ZNF541: variants seen among roughly 807,000 people sequenced by gnomAD.
The protein encoded by ZNF541 is zinc finger protein 541.
A neutral mutation model predicts 123.5 loss-of-function variants in ZNF541; 23 were observed. The ratio of observed to expected loss-of-function variants is 0.19; its 90% CI spans 0.13 to 0.26. The LOEUF (loss-of-function observed/expected upper bound fraction) is 0.26. ZNF541 is among the 10% of genes least tolerant of loss of function. ZNF541 has a pLI of 1.00. For synonymous variants in ZNF541, 751 were observed against 754.5 expected, an observed-to-expected ratio of 1.00 and a Z score of 0.08; for missense variants, 1,612 against 1,789.9, an observed-to-expected ratio of 0.90 and a Z score of 1.79.
intron 3 of ZNF541, among the ~76,000 whole-genome samples, chr19:47,550,973 T>C (rs749086800): frequency 2.6e-5 from 4 of 152,150 alleles, no homozygotes; most frequent in African/African-American, 7.2e-5. Context: ...AATAACTGTA[T>C]GTTAGATGAA....
chr19:47,549,791 TAGAA>T (rs1212059005), intron 3 of ZNF541, among the ~76,000 whole-genome samples: 1 of 152,060 alleles, frequency 6.6e-6, no homozygotes, highest in African/African-American at 2.4e-5. Context: ...GAACGGCAAT[TAGAA>T]ATATATTATC....
chr19:47,541,168 AG>A (rs1282962255), intron 5 of ZNF541, among the ~76,000 whole-genome samples: 2 of 152,214 alleles, frequency 1.3e-5, no homozygotes, highest in Non-Finnish European at 2.9e-5. Flanking sequence ...CTGTGATCCC[AG>A]GACTTTGGGA....
intron 5 of ZNF541, among the ~76,000 whole-genome samples, chr19:47,542,391 C>T (rs899120747): frequency 6.6e-6 from 1 of 152,216 alleles, no homozygotes; most frequent in African/African-American, 2.4e-5. Flanking sequence ...CACCATGACT[C>T]ATGCCTGTAA....
intron 14 of ZNF541, among the ~76,000 whole-genome samples, chr19:47,528,338 G>C (rs1424472465): frequency 2.1e-5 from 3 of 141,888 alleles, no homozygotes; most frequent in African/African-American, 5.2e-5. Flanking sequence ...AAAAAAAAGA[G>C]ACAGAGTCCT....
intron 3 of ZNF541, among the ~76,000 whole-genome samples, chr19:47,551,490 GC>G (rs1970598094): frequency 6.6e-6 from 1 of 151,906 alleles, no homozygotes; most frequent in Admixed American, 6.6e-5. Flanking sequence ...TTCTGACTCA[GC>G]CTCCCAAGCA....
intron 14 of ZNF541, among the ~76,000 whole-genome samples, chr19:47,522,839 C>T (rs1314336845): frequency 5.9e-5 from 9 of 151,606 alleles, no homozygotes; most frequent in Admixed American, 2.0e-4. Context: ...CTCCGCCTCC[C>T]GGGTCCAAGT....
chr19:47,554,144 C>T (rs555345159), intron 3 of ZNF541, among the ~76,000 whole-genome samples: 32 of 152,266 alleles, frequency 2.1e-4, no homozygotes, highest in African/African-American at 7.7e-4. Context: ...TAAAAATTTA[C>T]AAGTGAGGTC....
chr19:47,535,195 C>T (rs1001073719), intron 9 of ZNF541, among the ~76,000 whole-genome samples: 11 of 152,240 alleles, frequency 7.2e-5, no homozygotes, highest in South Asian at 2.1e-4. Context: ...CCTCGTGATC[C>T]GCCTGCCTCG....
chr19:47,538,433 C>T lies in ZNF541; in HGVS notation c.2803G>A (p.Glu935Lys), dbSNP rs1969927258. ...RHIGSMAMGQ[E>K]KDGEERDSKE... ...CTGTCTCGCTCCTCCCCGTCTTTCTCTTGTCCCTGAAGAAGTTTAGAACCA... is the reference window on the plus strand; with the variant it reads ...CTGTCTCGCTCCTCCCCGTCTTTCTTTTGTCCCTGAAGAAGTTTAGAACCA... Residue 935 changes from glutamate (E) to lysine (K), a missense_variant, in exon 9 of 17, where the codon GAG becomes AAG. Glu to Lys is a moderately conservative substitution (Grantham distance 56). This residue lies in a region of ZNF541 where 1,080 missense variants were observed against 1,013.8 expected (regional missense o/e 1.07). Coordinates refer to ENST00000391901, the MANE Select transcript of ZNF541 (RefSeq NM_001277075.3). 1 of 1,511,206 alleles carries T rather than the reference C, an allele frequency of 6.6e-7. No individual in the cohort carries two copies. Among genetic ancestry groups the T allele is most frequent in the Admixed American group, 2.2e-5 (1 of 44,838 alleles). 93.6% of individuals were successfully genotyped at this position (1,511,206 alleles called of 1,614,324 possible).
chr19:47,543,554 T>C (rs1316863906), intron 5 of ZNF541, among the ~76,000 whole-genome samples: 1 of 148,054 alleles, frequency 6.8e-6, no homozygotes, highest in Non-Finnish European at 1.5e-5. Flanking sequence ...AAAAGGCAAA[T>C]CCAAAGGGAA....
intron 14 of ZNF541, among the ~76,000 whole-genome samples, chr19:47,522,860 C>T (rs936541467): frequency 1.3e-5 from 2 of 151,772 alleles, no homozygotes; most frequent in Non-Finnish European, 2.9e-5. Flanking sequence ...GATTCTCCTG[C>T]CTCAGCCTCC....
chr19:47,540,384 T>C, intron 6 of ZNF541, 49 bp from the exon 7 acceptor site: 1 of 1,480,390 alleles, frequency 6.8e-7, no homozygotes, highest in Non-Finnish European at 9.0e-7. Flanking sequence ...ACTCTGTCCT[T>C]GATCACTGAT....
At chr19:47,548,442 C>CAAA (rs574466068) in intron 4 of ZNF541, among the ~76,000 whole-genome samples, 31 of 60,362 alleles carry the variant, frequency 5.1e-4, no homozygotes, top group Admixed American at 2.3e-4. Flanking sequence ...GACTCCATCT[C>CAAA]AAAAAAAAAA....
chr19:47,538,405 T>C lies in ZNF541; in HGVS notation c.2831A>G (p.Lys944Arg), dbSNP rs1265529616. 2 of 1,538,346 alleles carry C rather than the reference T, an allele frequency of 1.3e-6. No homozygotes were observed. Among genetic ancestry groups the C allele is most frequent in the African/African-American group, 1.4e-5 (1 of 72,626 alleles). The part of the protein sequence containing the change: ...QEKDGEERDS[K>R]ESSQQRKRKK... ...CCGCTTTCTCTGCTGGCTGCTCTCCTTGCTGTCTCGCTCCTCCCCGTCTTT... is the reference window on the plus strand; with the variant it reads ...CCGCTTTCTCTGCTGGCTGCTCTCCCTGCTGTCTCGCTCCTCCCCGTCTTT... Residue 944 changes from lysine to arginine, a missense_variant, in exon 9 of 17, where the codon AAG becomes AGG. By Grantham distance (26) the Lys-to-Arg change is conservative (BLOSUM62 2). Transcript: ENST00000391901.
rs1035906295 is a variant in ZNF541 at position 47,553,103 on chromosome 19, G to A, written c.307+2447C>T. Among the ~76,000 whole-genome samples the A allele has an allele frequency of 4.0e-5, 6 of 151,760 alleles. No individual in the cohort carries two copies. The South Asian group carries it at 8.3e-4, about 21-fold the overall frequency. On this transcript the variant is annotated intron_variant, in intron 3 of 16. Coordinates refer to ENST00000391901, the MANE Select transcript of ZNF541 (RefSeq NM_001277075.3). Reference sequence around the variant, plus strand: ...TAACCTGGTGACAGAGAAAGACTCCGTCTCAAAAAAATAAATAAATAAATA... The same window carrying A: ...TAACCTGGTGACAGAGAAAGACTCCATCTCAAAAAAATAAATAAATAAATA...
At chr19:47,539,150 T>G (rs905739241) in intron 8 of ZNF541, among the ~76,000 whole-genome samples, 9 of 152,112 alleles carry the variant, frequency 5.9e-5, no homozygotes, top group Non-Finnish European at 1.0e-4. Flanking sequence ...TCCACTGGAC[T>G]AGGAGCCCTG....
chr19:47,564,898 G>A (rs996896379), intron 2 of ZNF541, among the ~76,000 whole-genome samples: 4 of 152,030 alleles, frequency 2.6e-5, no homozygotes, highest in South Asian at 2.1e-4. Flanking sequence ...CCAAAAATAC[G>A]GAACCAGCCC....
At chr19:47,543,660 A>C (rs1156621879) in intron 5 of ZNF541, among the ~76,000 whole-genome samples, 1 of 149,538 alleles carries the variant, frequency 6.7e-6, no homozygotes, top group Non-Finnish European at 1.5e-5. Flanking sequence ...TTTTTTTTTA[A>C]GACAGGGTCT....
rs1025817392 is a variant in ZNF541 at position 47,521,130 on chromosome 19, G to A, written c.*94C>T. On this transcript the variant is annotated 3_prime_UTR_variant, in exon 17 of 17. Transcript: ENST00000391901. The surrounding 1 kb of genome is among the most constrained non-coding windows in gnomAD (Gnocchi z 4.2). ...TTGGCCAACAGGGGACAGGGAGGGTGGGGGGAGGCAGAGGGGTGCCCCAAA... is the reference window on the plus strand; with the variant it reads ...TTGGCCAACAGGGGACAGGGAGGGTAGGGGGAGGCAGAGGGGTGCCCCAAA... The A allele has an allele frequency of 2.1e-6, 3 of 1,433,674 alleles. No individual in the cohort carries two copies. The highest frequency in any genetic ancestry group is 2.8e-5 in the South Asian group (2 of 72,574). 88.8% of individuals were successfully genotyped at this position (1,433,674 alleles called of 1,614,324 possible).
Sources: allele counts gnomAD v4.1 joint callset (sites outside exome capture counted in the v4.1 genomes callset), GRCh38; gene constraint gnomAD v4.1.1; regional missense constraint gnomAD v4.1.1; non-coding constraint Gnocchi (gnomAD v3.1); transcripts MANE v1.5; gene names NCBI Gene and HGNC (gene_info 2026-07-23, HGNC 2026-07-21).